The following CFAP77 variants were observed in gnomAD, a reference collection of about 807,000 sequenced individuals.
The protein encoded by CFAP77 is cilia- and flagella-associated protein 77.
In CFAP77, 25 loss-of-function variants were observed where a neutral mutation model predicts 31.1. That is an observed-to-expected ratio of 0.80 (90% CI 0.59 to 1.12). The LOEUF is 1.12. CFAP77 is among the 50% of genes most tolerant of loss of function. CFAP77 has a pLI of 0.00. For synonymous variants in CFAP77, 151 were observed against 159.9 expected, an observed-to-expected ratio of 0.94 and a Z score of 0.42; for missense variants, 377 against 397.3, an observed-to-expected ratio of 0.95 and a Z score of 0.44.
intron 1 of CFAP77, among the ~76,000 whole-genome samples, chr9:132,430,260 C>T (rs1442361775): frequency 1.3e-5 from 2 of 151,944 alleles, no homozygotes; most frequent in Non-Finnish European, 2.9e-5. Flanking sequence ...TTGGAAAATA[C>T]TTTCTCTGTC....
chr9:132,551,936 C>T (rs1400509002), intron 5 of CFAP77, among the ~76,000 whole-genome samples: 1 of 152,222 alleles, frequency 6.6e-6, no homozygotes, highest in African/African-American at 2.4e-5. Flanking sequence ...GCCGGGCCTG[C>T]TCCGGCTGAT....
At chr9:132,514,212 G>A (rs1440453808) in intron 3 of CFAP77, among the ~76,000 whole-genome samples, 2 of 150,738 alleles carry the variant, frequency 1.3e-5, no homozygotes, top group Non-Finnish European at 3.0e-5. Context: ...TGAGAGTGAG[G>A]GGACGCCCCC....
intron 3 of CFAP77, among the ~76,000 whole-genome samples, chr9:132,524,075 G>T (rs190358469): frequency 1.8e-3 from 277 of 152,110 alleles, no homozygotes; most frequent in African/African-American, 6.5e-3. Context: ...GAGCTCAAGA[G>T]ATCCACCCAT....
Position 132,565,821 on chromosome 9 carries a change from G to A in CFAP77, c.733-6567G>A, listed in dbSNP as rs1309370992. Among the ~76,000 whole-genome samples, 1 of 152,142 alleles carries A rather than the reference G, an allele frequency of 6.6e-6. No homozygotes were observed. The highest frequency in any genetic ancestry group is 1.5e-5 in the Non-Finnish European group (1 of 68,040). On this transcript the variant is annotated intron_variant, in intron 5 of 5. Coordinates refer to ENST00000393216, the MANE Select transcript of CFAP77 (RefSeq NM_001282957.2). This position sits in a 1 kb window ranked among gnomAD's most constrained non-coding sequence, Gnocchi z 4.1. Reference sequence around the variant, plus strand: ...GCGATGCCATTTAGATTTGTGCAATGCTCCCCATTCTAACAGGACCAGCTC... The same window carrying A: ...GCGATGCCATTTAGATTTGTGCAATACTCCCCATTCTAACAGGACCAGCTC...
intron 3 of CFAP77, among the ~76,000 whole-genome samples, chr9:132,520,788 C>G (rs1852251264): frequency 6.6e-6 from 1 of 152,202 alleles, no homozygotes; most frequent in African/African-American, 2.4e-5. Flanking sequence ...CCTTCTGCCC[C>G]CTGGCCCAGG....
chr9:132,472,376 T>C (rs1851275471), intron 1 of CFAP77, among the ~76,000 whole-genome samples: 1 of 152,250 alleles, frequency 6.6e-6, no homozygotes, highest in Non-Finnish European at 1.5e-5. Context: ...GCATTGTGGC[T>C]AATCACATGA....
chr9:132,557,575 T>G (rs1852923970), intron 5 of CFAP77, among the ~76,000 whole-genome samples: 1 of 151,968 alleles, frequency 6.6e-6, no homozygotes, highest in African/African-American at 2.4e-5. Context: ...AAAAGCTTCC[T>G]CCTTTTGCTC....
At chr9:132,478,022 A>T (rs1002621801) in intron 1 of CFAP77, among the ~76,000 whole-genome samples, 1 of 152,058 alleles carries the variant, frequency 6.6e-6, no homozygotes, top group Non-Finnish European at 1.5e-5. Context: ...AGTGTGGTGG[A>T]ATTTTTTTTT....
At chr9:132,473,938 C>T (rs1308259042) in intron 1 of CFAP77, among the ~76,000 whole-genome samples, 1 of 152,200 alleles carries the variant, frequency 6.6e-6, no homozygotes, top group African/African-American at 2.4e-5. Context: ...CTGCCTCGGC[C>T]TCCCAAAGTG....
intron 3 of CFAP77, 113 bp from the exon 4 acceptor site, chr9:132,537,488 T>A: frequency 1.5e-6 from 1 of 676,152 alleles, no homozygotes; most frequent in South Asian, 2.1e-5. Context: ...GAGGTGGGAG[T>A]GATGTACCCC....
rs565755894 is a variant in CFAP77, at chr9:132,410,442, G to A, written c.171G>A (p.Met57Ile). The A allele has an allele frequency of 6.3e-7, 1 of 1,589,840 alleles. No homozygotes were observed. Among genetic ancestry groups the A allele is most frequent in the South Asian group, 1.1e-5 (1 of 88,874 alleles). ...NERLGVVRDS[M>I]FQNPLIVKAE... ...GGCTGGGGGTCGTGCGGGACTCCATGTTTCAGAACCCTCTCATCGTCAAGG... is the reference window on the plus strand; with the variant it reads ...GGCTGGGGGTCGTGCGGGACTCCATATTTCAGAACCCTCTCATCGTCAAGG... Residue 57 changes from methionine (M) to isoleucine (I), a missense_variant, in exon 1 of 6, where the codon ATG becomes ATA. Coordinates refer to ENST00000393216, the MANE Select transcript of CFAP77 (RefSeq NM_001282957.2).
chr9:132,418,256 G>C (rs1193984213), intron 1 of CFAP77, among the ~76,000 whole-genome samples: 1 of 152,246 alleles, frequency 6.6e-6, no homozygotes, highest in African/African-American at 2.4e-5. Flanking sequence ...CACCTGGCGA[G>C]GGGGTGCTGG....
At chr9:132,534,472 C>T (rs889844499) in intron 3 of CFAP77, among the ~76,000 whole-genome samples, 1 of 151,812 alleles carries the variant, frequency 6.6e-6, no homozygotes, top group East Asian at 1.9e-4. Context: ...ATTAGCCAGG[C>T]GTGGTGGTGG....
chr9:132,547,622 C>T (rs979346623), intron 5 of CFAP77, among the ~76,000 whole-genome samples: 1 of 152,140 alleles, frequency 6.6e-6, no homozygotes, highest in South Asian at 2.1e-4. Context: ...ACAGACAGAC[C>T]GACACACAGG....
intron 1 of CFAP77, among the ~76,000 whole-genome samples, chr9:132,429,206 T>G (rs1284895256): frequency 1.3e-5 from 2 of 151,844 alleles, no homozygotes; most frequent in Non-Finnish European, 2.9e-5. Flanking sequence ...TGGTTTTTCT[T>G]CTGAGTATGG....
intron 1 of CFAP77, among the ~76,000 whole-genome samples, chr9:132,473,809 A>G (rs527954434): frequency 1.3e-5 from 2 of 152,182 alleles, no homozygotes; most frequent in South Asian, 4.1e-4. Context: ...TCAGCCTCCC[A>G]AGTAGCTGGG....
At chr9:132,533,390 A>G (rs1050221627) in intron 3 of CFAP77, among the ~76,000 whole-genome samples, 8 of 152,170 alleles carry the variant, frequency 5.3e-5, no homozygotes, top group African/African-American at 1.7e-4. Flanking sequence ...CCCAACAGGA[A>G]ATGATTCTCT....
At chr9:132,542,300 C>T (rs772024347) in intron 4 of CFAP77, among the ~76,000 whole-genome samples, 15 of 152,238 alleles carry the variant, frequency 9.9e-5, no homozygotes, top group Admixed American at 7.9e-4. Flanking sequence ...ATGACACAGT[C>T]GAAGCCAAGT....
intron 3 of CFAP77, among the ~76,000 whole-genome samples, chr9:132,516,590 TACACACACAC>T (rs34683089): frequency 4.8e-5 from 7 of 144,940 alleles, no homozygotes; most frequent in African/African-American, 1.0e-4. Flanking sequence ...CACACAGAAA[TACACACACAC>T]ACACACACAC....
Sources: allele counts gnomAD v4.1 joint callset (sites outside exome capture counted in the v4.1 genomes callset), GRCh38; gene constraint gnomAD v4.1.1; non-coding constraint Gnocchi (gnomAD v3.1); transcripts MANE v1.5; gene names NCBI Gene and HGNC (gene_info 2026-07-23, HGNC 2026-07-21).